The following SEL1L2 variants were observed in gnomAD, a reference collection of about 807,000 sequenced individuals.
SEL1L2 encodes the protein SEL1L2 adaptor subunit of SYVN1 ubiquitin ligase.
SEL1L2 carries 89 observed loss-of-function variants against 98.8 expected under a neutral mutation model. That is an observed-to-expected ratio of 0.90 (90% confidence interval 0.76 to 1.07). The LOEUF (loss-of-function observed/expected upper bound fraction) is 1.07. Among genes scored for constraint, SEL1L2 ranks in the 50% least tolerant of loss-of-function variants. The pLI is 0.00. For missense variants in SEL1L2, 788 were observed against 812.0 expected (o/e 0.97, Z 0.36); for synonymous variants, 262 against 278.5 (o/e 0.94, Z 0.59).
At chr20:13,873,210 G>A (rs955959880) in intron 12 of SEL1L2, among the ~76,000 whole-genome samples, 4 of 151,650 alleles carry the variant, frequency 2.6e-5, no homozygotes, top group African/African-American at 4.8e-5. Flanking sequence ...GGCTGGTCTC[G>A]AACTCCTGAC....
intron 3 of SEL1L2, among the ~76,000 whole-genome samples, chr20:13,930,706 C>CT (rs747412902): frequency 7.2e-5 from 11 of 152,284 alleles, no homozygotes; most frequent in Admixed American, 2.6e-4. Flanking sequence ...AAGCTGGACT[C>CT]TCAGAAAAAA....
At chr20:13,860,131 G>T (rs548620088) in intron 17 of SEL1L2, among the ~76,000 whole-genome samples, 1 of 152,102 alleles carries the variant, frequency 6.6e-6, no homozygotes, top group African/African-American at 2.4e-5. Flanking sequence ...GCTCTCCTGC[G>T]TCAACAGTGT....
At chr20:13,957,144 C>A (rs1047234183) in intron 1 of SEL1L2, among the ~76,000 whole-genome samples, 3 of 151,602 alleles carry the variant, frequency 2.0e-5, no homozygotes, top group African/African-American at 7.3e-5. Context: ...ACTCTGTCAC[C>A]CAAGCTGGAT....
chr20:13,891,108 A>G (rs1006979344), intron 5 of SEL1L2, among the ~76,000 whole-genome samples: 1 of 152,208 alleles, frequency 6.6e-6, no homozygotes, highest in African/African-American at 2.4e-5. Context: ...AGATTAAATG[A>G]TTGAAAACTC....
intron 8 of SEL1L2, 63 bp from the exon 9 acceptor site, chr20:13,886,505 T>C: frequency 2.9e-6 from 4 of 1,393,968 alleles, no homozygotes; most frequent in Non-Finnish European, 4.0e-6. Flanking sequence ...TAACAGTCAA[T>C]TTAGAGAAAA....
At chr20:13,880,395 C>T (rs2046638568) in intron 10 of SEL1L2, among the ~76,000 whole-genome samples, 1 of 152,194 alleles carries the variant, frequency 6.6e-6, no homozygotes. Context: ...GACTCTGTCT[C>T]ATACACTGCT....
At chr20:13,869,460 C>T (rs749188410) in intron 14 of SEL1L2, 43 bp downstream of exon 14, 1 of 1,375,482 alleles carries the variant, frequency 7.3e-7, no homozygotes, top group Non-Finnish European at 1.0e-6. Flanking sequence ...CTTAATAATG[C>T]ATATGTCATT....
At chr20:13,875,902 AC>A in intron 12 of SEL1L2, 135 bp downstream of exon 12, 1 of 704,536 alleles carries the variant, frequency 1.4e-6, no homozygotes, top group Non-Finnish European at 2.5e-6. Flanking sequence ...CCAGTATTAT[AC>A]TTCTCCAGGA....
At chr20:13,935,756 A>T (rs6042435) in intron 2 of SEL1L2, among the ~76,000 whole-genome samples, 3 of 152,052 alleles carry the variant, frequency 2.0e-5, no homozygotes, top group Non-Finnish European at 2.9e-5. Context: ...TATTAACTGA[A>T]TTAAATTTCA....
At chr20:13,877,974 C>T (rs541056853) in intron 10 of SEL1L2, among the ~76,000 whole-genome samples, 9 of 152,300 alleles carry the variant, frequency 5.9e-5, no homozygotes, top group African/African-American at 2.2e-4. Context: ...TGAGGTTTTA[C>T]TGTGGTTGGC....
Position 13,956,117 on chromosome 20 carries a change from C to A in SEL1L2, c.73G>T (p.Glu25Ter), listed in dbSNP as rs745724781. The change falls in exon 2 of 20, where the codon GAA becomes TAA. Residue 25 changes from glutamate to a stop codon, truncating the protein, a stop_gained. Transcript: ENST00000284951. LOFTEE classifies it high-confidence loss of function. ...CTTTCCTTTTGTCTTTTATTATGTT[C>A]CTCTGCTTTGATAGCTGCAATACAC... ...GVTIKTIKAE[E>*]HNKRQKERNV... The A allele has an allele frequency of 6.4e-7, 1 of 1,555,366 alleles. No individual in the cohort carries two copies. Among genetic ancestry groups the A allele is most frequent in the Non-Finnish European group, 8.7e-7 (1 of 1,143,928 alleles).
chr20:13,978,410 A>T (rs905397596), intron 1 of SEL1L2, among the ~76,000 whole-genome samples: 9 of 152,246 alleles, frequency 5.9e-5, no homozygotes, highest in African/African-American at 1.9e-4. Flanking sequence ...AAAGACAAAA[A>T]TTAACAAATG....
intron 18 of SEL1L2, among the ~76,000 whole-genome samples, chr20:13,857,202 A>ATT (rs1207594766): frequency 2.2e-4 from 31 of 141,436 alleles, no homozygotes; most frequent in Non-Finnish European, 2.6e-4. Context: ...GTAGTCCCTG[A>ATT]TTTTTTTTTT....
intron 4 of SEL1L2, among the ~76,000 whole-genome samples, chr20:13,916,330 G>A (rs978360078): frequency 6.6e-6 from 1 of 152,070 alleles, no homozygotes; most frequent in Non-Finnish European, 1.5e-5. Flanking sequence ...TGGTCAGGAG[G>A]GTGTGCAATC....
chr20:13,878,798 CATAG>C (rs762115230), intron 10 of SEL1L2, among the ~76,000 whole-genome samples: 4 of 152,074 alleles, frequency 2.6e-5, no homozygotes, highest in Non-Finnish European at 5.9e-5. Context: ...ATAGATGATT[CATAG>C]ATAAACAGAA....
chr20:13,950,162 G>C (rs2050199897), intron 2 of SEL1L2, among the ~76,000 whole-genome samples: 1 of 152,138 alleles, frequency 6.6e-6, no homozygotes, highest in African/African-American at 2.4e-5. Context: ...ATTGCCAGGG[G>C]CTGGGGTGAG....
chr20:13,919,564 G>C (rs1022097305), intron 3 of SEL1L2, among the ~76,000 whole-genome samples: 3 of 151,894 alleles, frequency 2.0e-5, no homozygotes, highest in African/African-American at 4.8e-5. Flanking sequence ...ATGAGGACAT[G>C]GGCAACAGGC....
intron 10 of SEL1L2, among the ~76,000 whole-genome samples, chr20:13,884,071 C>T (rs1029376414): frequency 6.6e-6 from 1 of 152,014 alleles, no homozygotes; most frequent in Non-Finnish European, 1.5e-5. Flanking sequence ...GAAATGACTT[C>T]GACATTTACC....
At chr20:13,904,399 G>A (rs1282002497) in intron 5 of SEL1L2, among the ~76,000 whole-genome samples, 2 of 152,076 alleles carry the variant, frequency 1.3e-5, no homozygotes, top group African/African-American at 2.4e-5. Context: ...GTGGTGGTGT[G>A]AGCCTATAAT....
Sources: allele counts gnomAD v4.1 joint callset (sites outside exome capture counted in the v4.1 genomes callset), GRCh38; gene constraint gnomAD v4.1.1; transcripts MANE v1.5; gene names NCBI Gene and HGNC (gene_info 2026-07-23, HGNC 2026-07-21).